Variants in EPB41L4A observed in about 807,000 individuals in gnomAD.
EPB41L4A encodes the protein band 4.1-like protein 4A.
Under a neutral mutation model 108.6 loss-of-function variants are expected in EPB41L4A, and 100 were observed. That is an observed-to-expected ratio of 0.92 (90% CI 0.78 to 1.09). EPB41L4A has a LOEUF of 1.09. Among genes scored for constraint, EPB41L4A ranks in the 50% least tolerant of loss-of-function variants. The pLI is 0.00. For missense variants in EPB41L4A, 1,030 were observed against 842.7 expected (o/e 1.22, Z -2.75); for synonymous variants, 319 against 289.0 (o/e 1.10, Z -1.05).
At chr5:112,202,848 T>C (rs1190360574) in intron 15 of EPB41L4A, among the ~76,000 whole-genome samples, 3 of 151,994 alleles carry the variant, frequency 2.0e-5, no homozygotes, top group Admixed American at 6.6e-5. Flanking sequence ...AAACCTGCAG[T>C]GTGCACAAAA....
At chr5:112,360,642 G>C (rs1031073743) in intron 1 of EPB41L4A, among the ~76,000 whole-genome samples, 19 of 152,184 alleles carry the variant, frequency 1.2e-4, no homozygotes, top group Admixed American at 3.9e-4. Context: ...CCTCCCAGCC[G>C]CCTGCCTTGG....
chr5:112,387,212 G>T (rs776730906), intron 1 of EPB41L4A, among the ~76,000 whole-genome samples: 2 of 152,186 alleles, frequency 1.3e-5, no homozygotes, highest in African/African-American at 4.8e-5. Flanking sequence ...GCAGATGCAC[G>T]AACTCCTCAT....
chr5:112,352,499 T>A (rs1258481869), intron 1 of EPB41L4A, among the ~76,000 whole-genome samples: 2 of 152,202 alleles, frequency 1.3e-5, no homozygotes, highest in Non-Finnish European at 2.9e-5. Flanking sequence ...TTTAAAAAAT[T>A]TGTTGGGACT....
intron 17 of EPB41L4A, among the ~76,000 whole-genome samples, chr5:112,184,610 G>A (rs4958008): frequency 0.76 from 114,986 of 152,180 alleles, 43,874 homozygotes; most frequent in East Asian, 1. Flanking sequence ...CCCATTTTTT[G>A]AGAGAGAAAT....
chr5:112,231,382 TA>T (rs1209335967), intron 12 of EPB41L4A, among the ~76,000 whole-genome samples: 1 of 152,260 alleles, frequency 6.6e-6, no homozygotes, highest in Non-Finnish European at 1.5e-5. Context: ...GAGTTGAATA[TA>T]AAAGTTTTTT....
intron 12 of EPB41L4A, chr5:112,228,557 T>A (rs1180841280): frequency 4.8e-6 from 1 of 209,122 alleles, no homozygotes; most frequent in Non-Finnish European, 8.3e-6. Context: ...GAACTTAAAA[T>A]GCTGCATCAG....
At chr5:112,328,735 C>CT (rs1420193619) in intron 1 of EPB41L4A, among the ~76,000 whole-genome samples, 3 of 152,144 alleles carry the variant, frequency 2.0e-5, no homozygotes, top group African/African-American at 7.2e-5. Flanking sequence ...GGACTTAATA[C>CT]TCAAATAACA....
intron 12 of EPB41L4A, 147 bp from the exon 13 acceptor site, chr5:112,210,129 C>T: frequency 1.9e-6 from 1 of 538,648 alleles, no homozygotes; most frequent in South Asian, 2.5e-5. Flanking sequence ...AATAATGAAT[C>T]ACCCAATAAA....
intron 1 of EPB41L4A, among the ~76,000 whole-genome samples, chr5:112,352,312 T>C (rs1317656719): frequency 6.6e-6 from 1 of 152,214 alleles, no homozygotes; most frequent in East Asian, 1.9e-4. Flanking sequence ...GGTTTTGGTA[T>C]GTCAAGTTTG....
At chr5:112,205,552 A>G in intron 13 of EPB41L4A, 48 bp from the exon 14 acceptor site, 1 of 1,379,046 alleles carries the variant, frequency 7.3e-7, no homozygotes, top group Non-Finnish European at 1.0e-6. Flanking sequence ...TAGAAAATAA[A>G]AGTAAACTCA....
At chr5:112,382,898 T>C (rs1447701000) in intron 1 of EPB41L4A, among the ~76,000 whole-genome samples, 1 of 152,220 alleles carries the variant, frequency 6.6e-6, no homozygotes, top group Non-Finnish European at 1.5e-5. Flanking sequence ...ACCTGAGAAA[T>C]AAATCTGGTT....
chr5:112,415,978 T>C (rs933729348), intron 1 of EPB41L4A, among the ~76,000 whole-genome samples: 3 of 148,866 alleles, frequency 2.0e-5, no homozygotes, highest in African/African-American at 7.8e-5. Flanking sequence ...TTCTGGTATT[T>C]TTTTTTTAAC....
chr5:112,222,968 GTCTGGC>G (rs1451012823), intron 12 of EPB41L4A, among the ~76,000 whole-genome samples: 1 of 148,232 alleles, frequency 6.7e-6, no homozygotes, highest in Non-Finnish European at 1.5e-5. Flanking sequence ...TTAAGATGGA[GTCTGGC>G]TCTGTCGCCC....
chr5:112,418,833 C>G (rs1762881725), intron 1 of EPB41L4A, 108 bp downstream of exon 1: 3 of 778,598 alleles, frequency 3.9e-6, no homozygotes, highest in Admixed American at 2.2e-5. Flanking sequence ...CCCCACCGCG[C>G]AGAGTCGCGG....
At chr5:112,207,468 T>C (rs528619227) in intron 13 of EPB41L4A, among the ~76,000 whole-genome samples, 1 of 152,216 alleles carries the variant, frequency 6.6e-6, no homozygotes, top group East Asian at 1.9e-4. Context: ...AAAGAAACTA[T>C]CAACAGAGTA....
At chr5:112,231,253 C>T (rs1748898030) in intron 12 of EPB41L4A, among the ~76,000 whole-genome samples, 1 of 152,074 alleles carries the variant, frequency 6.6e-6, no homozygotes, top group Non-Finnish European at 1.5e-5. Flanking sequence ...TTAAACATAT[C>T]CATGAGGTAT....
At chr5:112,389,023 A>G (rs2112657467) in intron 1 of EPB41L4A, among the ~76,000 whole-genome samples, 1 of 152,292 alleles carries the variant, frequency 6.6e-6, no homozygotes, top group Admixed American at 6.5e-5. Context: ...CTGTGAACTT[A>G]TGCTAAAGTA....
intron 1 of EPB41L4A, among the ~76,000 whole-genome samples, chr5:112,339,784 C>T (rs1264435808): frequency 6.6e-6 from 1 of 152,000 alleles, no homozygotes; most frequent in Non-Finnish European, 1.5e-5. Flanking sequence ...AATCCACCTG[C>T]CTTCGCCTCC....
chr5:112,286,628 G>A (rs1364859552), intron 2 of EPB41L4A, among the ~76,000 whole-genome samples: 1 of 152,136 alleles, frequency 6.6e-6, no homozygotes, highest in Admixed American at 6.5e-5. Flanking sequence ...CTTCTCTCCT[G>A]TTGCTGTGGA....
Sources: allele counts gnomAD v4.1 joint callset (sites outside exome capture counted in the v4.1 genomes callset), GRCh38; gene constraint gnomAD v4.1.1; transcripts MANE v1.5; gene names NCBI Gene and HGNC (gene_info 2026-07-23, HGNC 2026-07-21).